Variants in RAB9A observed in about 807,000 individuals in gnomAD.
The protein encoded by RAB9A is RAB9A, member RAS oncogene family.
Under a neutral mutation model 10.3 loss-of-function variants are expected in RAB9A, and 1 was observed. The observed-to-expected ratio is 0.10, with a 90% CI of 0.03 to 0.46. The LOEUF (loss-of-function observed/expected upper bound fraction) is 0.46. Among genes scored for constraint, RAB9A ranks in the 20% least tolerant of loss-of-function variants. The probability of loss-of-function intolerance (pLI) is 0.96; values close to 1 mark genes in which losing one functional copy is unlikely to be tolerated. For synonymous variants in RAB9A, 39 were observed against 55.2 expected (o/e 0.71, Z 1.30); for missense variants, 92 against 150.3 (o/e 0.61, Z 2.03).
Position 13,708,905 on chromosome X carries a change from A to T in RAB9A, c.159A>T (p.Gly53=), listed in dbSNP as rs746042668. The T allele has an allele frequency of 4.1e-6, 5 of 1,209,389 alleles. No homozygotes were observed. The African/African-American group carries it at 8.8e-5, about 21-fold the overall frequency. The part of the protein sequence containing the change: ...EFLNKDLEVD[G]HFVTMQIWDT... ...TAAATAAAGATTTGGAAGTGGATGG[A>T]CATTTTGTTACCATGCAGATTTGGG... Residue 53 remains glycine (G), a synonymous_variant, in exon 3 of 3, where the codon GGA becomes GGT. Transcript: ENST00000464506.
intron 1 of RAB9A, among the ~76,000 whole-genome samples, chrX:13,702,857 G>A (rs1462062569): frequency 8.9e-6 from 1 of 112,250 alleles, no homozygotes; most frequent in Non-Finnish European, 1.9e-5. Context: ...CTGTATGTGT[G>A]GCTTGTATCC....
At chrX:13,707,498 G>T (rs977351861) in intron 2 of RAB9A, among the ~76,000 whole-genome samples, 2 of 111,596 alleles carry the variant, frequency 1.8e-5, no homozygotes, top group Non-Finnish European at 3.8e-5. Flanking sequence ...TAAGCAGAAG[G>T]ATTAACCAGG....
intron 2 of RAB9A, among the ~76,000 whole-genome samples, chrX:13,704,532 G>C (rs1312713109): frequency 9.1e-6 from 1 of 109,954 alleles, no homozygotes; most frequent in African/African-American, 3.4e-5. Context: ...TTTTTATGTA[G>C]ATAATGATGC....
chrX:13,698,106 G>T (rs886787292), intron 1 of RAB9A, among the ~76,000 whole-genome samples: 2 of 110,380 alleles, frequency 1.8e-5, no homozygotes, highest in Admixed American at 9.7e-5. Context: ...ATTGCAGAAG[G>T]GTCTGTTGGA....
chrX:13,690,605 T>C, intron 1 of RAB9A, among the ~76,000 whole-genome samples: 1 of 111,740 alleles, frequency 8.9e-6, no homozygotes, highest in African/African-American at 3.3e-5. Context: ...CTCTCATCTC[T>C]TTTTGTTTCT....
intron 1 of RAB9A, among the ~76,000 whole-genome samples, chrX:13,692,503 C>T (rs1334717167): frequency 1.8e-5 from 2 of 112,042 alleles, no homozygotes; most frequent in Non-Finnish European, 3.8e-5. Flanking sequence ...GCATAAAATT[C>T]ATCCTTAAAT....
chrX:13,705,058 G>A (rs1259894787), intron 2 of RAB9A, among the ~76,000 whole-genome samples: 5 of 112,102 alleles, frequency 4.5e-5, no homozygotes, highest in Admixed American at 1.9e-4. Flanking sequence ...TGAAAATAAC[G>A]TAGTAGGATC....
intron 1 of RAB9A, among the ~76,000 whole-genome samples, chrX:13,699,323 A>G (rs2046162148): frequency 1.8e-5 from 2 of 112,345 alleles, no homozygotes; most frequent in South Asian, 7.2e-4. Context: ...CACAAATAGA[A>G]TAATAATAGA....
chrX:13,692,238 A>G (rs1440550028), intron 1 of RAB9A, among the ~76,000 whole-genome samples: 1 of 111,588 alleles, frequency 9.0e-6, no homozygotes, highest in African/African-American at 3.3e-5. Context: ...TGAGCCCTGG[A>G]GTTCAAGGCT....
chrX:13,699,615 G>A (rs2046164068), intron 1 of RAB9A, among the ~76,000 whole-genome samples: 1 of 112,491 alleles, frequency 8.9e-6, no homozygotes, highest in South Asian at 3.7e-4. Context: ...TGCTGGGGCG[G>A]TCCTGGCTTC....
chrX:13,694,796 T>A (rs183763188), intron 1 of RAB9A, among the ~76,000 whole-genome samples: 1 of 111,914 alleles, frequency 8.9e-6, no homozygotes, highest in East Asian at 2.8e-4. Flanking sequence ...TTTTTAATTC[T>A]CCATCCCCCC....
intron 2 of RAB9A, 49 bp from the exon 3 acceptor site, chrX:13,708,669 TAGA>T (rs764758895): frequency 2.5e-5 from 26 of 1,033,099 alleles, no homozygotes; most frequent in Non-Finnish European, 3.4e-5. Context: ...TAGAATCATG[TAGA>T]AGAATGTGTA....
intron 1 of RAB9A, among the ~76,000 whole-genome samples, chrX:13,691,863 G>C (rs187941775): frequency 9.1e-6 from 1 of 109,803 alleles, no homozygotes; most frequent in African/African-American, 3.3e-5. Context: ...TGAGAAGGGC[G>C]GTGGGGAGTC....
intron 2 of RAB9A, 108 bp from the exon 3 acceptor site, chrX:13,708,613 A>G: frequency 1.4e-6 from 1 of 703,348 alleles, no homozygotes; most frequent in Non-Finnish European, 2.1e-6. Flanking sequence ...ATTATTAGGT[A>G]TTCCCTGGGG....
intron 1 of RAB9A, among the ~76,000 whole-genome samples, chrX:13,692,841 G>A (rs997166830): frequency 8.9e-6 from 1 of 112,264 alleles, no homozygotes; most frequent in Non-Finnish European, 1.9e-5. Flanking sequence ...TGCACAGCAC[G>A]TTCTTTGCTG....
chrX:13,692,466 A>T (rs771597239), intron 1 of RAB9A, among the ~76,000 whole-genome samples: 1 of 112,617 alleles, frequency 8.9e-6, no homozygotes, highest in Non-Finnish European at 1.9e-5. Flanking sequence ...ATTTACAAGA[A>T]TCAAATTGAG....
intron 2 of RAB9A, among the ~76,000 whole-genome samples, chrX:13,704,466 T>A (rs1278009310): frequency 8.9e-6 from 1 of 112,009 alleles, no homozygotes; most frequent in Non-Finnish European, 1.9e-5. Context: ...ATTTTAATTC[T>A]TCATTTTACT....
intron 1 of RAB9A, among the ~76,000 whole-genome samples, chrX:13,691,387 C>T (rs370812959): frequency 9.0e-5 from 10 of 111,665 alleles, no homozygotes; most frequent in Non-Finnish European, 1.3e-4. Context: ...AGTGGCTGGG[C>T]ACGGTGGCTC....
intron 1 of RAB9A, among the ~76,000 whole-genome samples, chrX:13,692,101 G>C (rs928530588): frequency 1.8e-5 from 2 of 110,007 alleles, no homozygotes; most frequent in African/African-American, 6.6e-5. Flanking sequence ...CCAGAAGTTT[G>C]AGACCAGCCT....
Sources: gnomAD v4.1 joint callset for allele counts (sites outside exome capture counted in the v4.1 genomes callset) on GRCh38, gnomAD v4.1.1 for gene constraint, MANE v1.5 for transcripts, NCBI Gene and HGNC (gene_info 2026-07-23, HGNC 2026-07-21) for gene names.